The following PCDHGA7 variants were observed in gnomAD, a reference collection of about 807,000 sequenced individuals.
PCDHGA7 encodes the protein protocadherin gamma-A7.
In PCDHGA7, 44 loss-of-function variants were observed where a neutral mutation model predicts 58.3. The observed-to-expected ratio is 0.75, with a 90% CI of 0.59 to 0.97. The LOEUF is 0.97. Ranked by LOEUF, PCDHGA7 falls within the 50% of genes least tolerant of loss-of-function variation. The pLI is 0.00. For synonymous variants in PCDHGA7, 516 were observed against 504.2 expected (o/e 1.02, Z -0.31); for missense variants, 1,266 against 1,188.7 (o/e 1.06, Z -0.96).
At chr5:141,405,473 G>A in intron 1 of PCDHGA7, 3 of 1,066,958 alleles carry the variant, frequency 2.8e-6, no homozygotes, top group Non-Finnish European at 4.0e-6. Flanking sequence ...AGGCTGGAAT[G>A]CAGTGGTGTG....
At chr5:141,458,730 C>T (rs1239174331) in intron 1 of PCDHGA7, among the ~76,000 whole-genome samples, 1 of 151,928 alleles carries the variant, frequency 6.6e-6, no homozygotes, top group Non-Finnish European at 1.5e-5. Flanking sequence ...CCACCACATC[C>T]AGCTATTGGT....
At chr5:141,413,090 C>A in intron 1 of PCDHGA7, 2 of 1,391,312 alleles carry the variant, frequency 1.4e-6, no homozygotes, top group Non-Finnish European at 1.9e-6. Flanking sequence ...ACAGAGACAC[C>A]CTGAAGCCAC....
At chr5:141,394,748 C>T (rs960054108) in intron 1 of PCDHGA7, 1 of 1,613,414 alleles carries the variant, frequency 6.2e-7, no homozygotes, top group Non-Finnish European at 8.5e-7. Context: ...TCGTGGTGGC[C>T]GTCCAGGACC....
intron 2 of PCDHGA7, among the ~76,000 whole-genome samples, chr5:141,499,879 G>C (rs1470090790): frequency 9.2e-5 from 14 of 151,952 alleles, no homozygotes. Flanking sequence ...GTACAAACAG[G>C]GTTTCGCCAT....
chr5:141,436,638 A>G (rs2097838155), intron 1 of PCDHGA7, among the ~76,000 whole-genome samples: 1 of 152,194 alleles, frequency 6.6e-6, no homozygotes, highest in Non-Finnish European at 1.5e-5. Flanking sequence ...ACATGCAATT[A>G]ATTAACAGTA....
intron 1 of PCDHGA7, chr5:141,414,054 G>A: frequency 6.2e-7 from 1 of 1,610,250 alleles, no homozygotes; most frequent in Non-Finnish European, 8.5e-7. Flanking sequence ...ACACGCAATT[G>A]TTGAAGTTCC....
At chr5:141,508,664 T>C (rs1381178258) in intron 3 of PCDHGA7, among the ~76,000 whole-genome samples, 1 of 152,030 alleles carries the variant, frequency 6.6e-6, no homozygotes, top group Non-Finnish European at 1.5e-5. Context: ...TGTCATTCTG[T>C]CTCTGCCTCC....
chr5:141,415,461 T>G, intron 1 of PCDHGA7: 1 of 1,614,180 alleles, frequency 6.2e-7, no homozygotes, highest in African/African-American at 1.3e-5. Flanking sequence ...ACGAGGTCTC[T>G]CTCACCGCGG....
intron 1 of PCDHGA7, chr5:141,414,096 A>G (rs2095708665): frequency 1.9e-6 from 3 of 1,595,210 alleles, no homozygotes; most frequent in Middle Eastern, 3.3e-4. Context: ...AAATAAAAAT[A>G]TCAGAAAATC....
chr5:141,473,048 A>T (rs1295750830), intron 1 of PCDHGA7, among the ~76,000 whole-genome samples: 4 of 151,992 alleles, frequency 2.6e-5, no homozygotes, highest in Non-Finnish European at 5.9e-5. Flanking sequence ...GAAAGAAAGA[A>T]GTGATACAAC....
chr5:141,423,624 T>A (rs756883871), intron 1 of PCDHGA7: 9 of 1,607,038 alleles, frequency 5.6e-6, no homozygotes, highest in African/African-American at 1.3e-5. Flanking sequence ...AAGACTCAGC[T>A]ATCATTTTAG....
At chr5:141,474,044 T>A (rs1442885504) in intron 1 of PCDHGA7, among the ~76,000 whole-genome samples, 3 of 152,162 alleles carry the variant, frequency 2.0e-5, no homozygotes. Context: ...TACTCCAGCC[T>A]GGATGACAGA....
chr5:141,413,932 G>T (rs762255781), intron 1 of PCDHGA7: 2 of 1,613,426 alleles, frequency 1.2e-6, no homozygotes, highest in Admixed American at 1.7e-5. Context: ...AGAATACCGA[G>T]TGAGTGTTCC....
chr5:141,395,182 C>A (rs143509166), intron 1 of PCDHGA7: 1 of 1,614,114 alleles, frequency 6.2e-7, no homozygotes, highest in South Asian at 1.1e-5. Context: ...AAAAATGATT[C>A]TTTGTTAACA....
intron 1 of PCDHGA7, chr5:141,427,502 G>A (rs1276688816): frequency 1.7e-6 from 1 of 576,718 alleles, no homozygotes; most frequent in East Asian, 4.0e-5. Flanking sequence ...TAACAGATGG[G>A]ACCCTGGATT....
Position 141,400,678 on chromosome 5 carries a change from T to A in PCDHGA7, c.2424+15355T>A. ...ACCATTCTTTAAGAGGAGCAGTAAA[T>A]TGTGAGTTTTTATGTCGCATAAAAG... On this transcript the variant is annotated intron_variant, in intron 1 of 3. Coordinates refer to ENST00000518325, the MANE Select transcript of PCDHGA7 (RefSeq NM_018920.4). 4.5e-6 allele frequency: 4 copies of A among 882,002 alleles called. No homozygotes were observed. In the South Asian group the frequency reaches 6.9e-5, roughly 15 times the overall value. The allele number at this position is 882,002 out of a possible 1,614,324, so 54.6% of individuals were successfully genotyped here.
At chr5:141,475,491 C>T (rs1321482409) in intron 1 of PCDHGA7, among the ~76,000 whole-genome samples, 2 of 152,202 alleles carry the variant, frequency 1.3e-5, no homozygotes, top group African/African-American at 4.8e-5. Flanking sequence ...AGAGATAAAA[C>T]TGAAATTATT....
intron 1 of PCDHGA7, chr5:141,409,190 C>T (rs868189970): frequency 6.2e-7 from 1 of 1,613,986 alleles, no homozygotes; most frequent in Non-Finnish European, 8.5e-7. Context: ...TCTCTCTACC[C>T]AGTGTAAAGT....
At chr5:141,463,581 T>TG (rs2099064477) in intron 1 of PCDHGA7, among the ~76,000 whole-genome samples, 1 of 151,502 alleles carries the variant, frequency 6.6e-6, no homozygotes, top group Non-Finnish European at 1.5e-5. Context: ...CCCGAGTAGC[T>TG]GGGACTACAG....
Sources: gnomAD v4.1 joint callset for allele counts (sites outside exome capture counted in the v4.1 genomes callset) on GRCh38, gnomAD v4.1.1 for gene constraint, MANE v1.5 for transcripts, NCBI Gene and HGNC (gene_info 2026-07-23, HGNC 2026-07-21) for gene names.